TAF1B: variants seen among roughly 807,000 people sequenced by gnomAD.
TAF1B encodes TATA-box binding protein associated factor, RNA polymerase I subunit B.
A neutral mutation model predicts 83.9 loss-of-function variants in TAF1B; 61 were observed. The ratio of observed to expected loss-of-function variants is 0.73; its 90% confidence interval spans 0.59 to 0.90. The LOEUF is 0.90. Among genes scored for constraint, TAF1B ranks in the 40% least tolerant of loss-of-function variants. TAF1B has a pLI of 0.00. For missense variants in TAF1B, 625 were observed against 677.0 expected (o/e 0.92, Z 0.85); for synonymous variants, 221 against 224.6 (o/e 0.98, Z 0.14).
intron 9 of TAF1B, among the ~76,000 whole-genome samples, chr2:9,910,134 T>C (rs115575106): frequency 0.013 from 2,051 of 152,238 alleles, 45 homozygotes; most frequent in African/African-American, 0.046. Flanking sequence ...ATTCTCATTA[T>C]AACCCATTTT....
intron 5 of TAF1B, among the ~76,000 whole-genome samples, chr2:9,858,790 T>G (rs2125139504): frequency 6.6e-6 from 1 of 152,302 alleles, no homozygotes; most frequent in Admixed American, 6.5e-5. Context: ...CAGCTGGAGC[T>G]GGAGTGGCTG....
At chr2:9,852,795 A>G (rs1338231090) in intron 4 of TAF1B, among the ~76,000 whole-genome samples, 1 of 152,184 alleles carries the variant, frequency 6.6e-6, no homozygotes, top group East Asian at 1.9e-4. Context: ...CCTGGCCCTC[A>G]TAAGTGATAT....
chr2:9,890,090 TC>T (rs1664821424), intron 8 of TAF1B, among the ~76,000 whole-genome samples: 1 of 152,194 alleles, frequency 6.6e-6, no homozygotes, highest in African/African-American at 2.4e-5. Context: ...CACCTCAGCT[TC>T]CAGAAACTCC....
intron 14 of TAF1B, among the ~76,000 whole-genome samples, chr2:9,920,585 GC>G (rs1558268468): frequency 8.5e-6 from 1 of 117,928 alleles, no homozygotes; most frequent in Non-Finnish European, 1.7e-5. Flanking sequence ...GGGGCGGGGG[GC>G]GGGGGGTCCA....
At chr2:9,866,925 G>A (rs1048924235) in intron 5 of TAF1B, among the ~76,000 whole-genome samples, 2 of 151,988 alleles carry the variant, frequency 1.3e-5, no homozygotes, top group African/African-American at 4.8e-5. Flanking sequence ...ATCCCATACC[G>A]GGGACTGTTG....
chr2:9,860,001 G>A (rs1394964843), intron 5 of TAF1B, among the ~76,000 whole-genome samples: 1 of 152,250 alleles, frequency 6.6e-6, no homozygotes, highest in Non-Finnish European at 1.5e-5. Flanking sequence ...ATGGTGGAAA[G>A]CAAAGGTGAA....
intron 1 of TAF1B, 29 bp from the exon 2 acceptor site, chr2:9,845,191 A>G (rs1572205930): frequency 6.3e-7 from 1 of 1,575,258 alleles, no homozygotes; most frequent in East Asian, 2.2e-5. Flanking sequence ...GCTTGATGGG[A>G]ACACCTTTTC....
At chr2:9,874,316 A>G (rs1217769158) in intron 6 of TAF1B, among the ~76,000 whole-genome samples, 1 of 152,134 alleles carries the variant, frequency 6.6e-6, no homozygotes, top group Non-Finnish European at 1.5e-5. Context: ...TCTCTGCTCA[A>G]ATATCACCTT....
chr2:9,879,065 T>C (rs182981990), intron 7 of TAF1B, among the ~76,000 whole-genome samples: 10 of 152,302 alleles, frequency 6.6e-5, no homozygotes, highest in South Asian at 4.1e-4. Context: ...ACAGAAGATA[T>C]GTTCCAAGAC....
chr2:9,882,655 G>C (rs1178634319), intron 7 of TAF1B, 51 bp from the exon 8 acceptor site: 1 of 1,238,142 alleles, frequency 8.1e-7, no homozygotes, highest in African/African-American at 1.5e-5. Context: ...CATTTACTCT[G>C]CTATATCAGT....
At position 9,846,170 on chromosome 2, in the gene TAF1B, A is replaced by G. The variant is rs938611988; in HGVS notation, c.117+852A>G. ...TGAGTGAGTTTGCCAAAGTTACCCAAGTACCAGGACTTGAATGTGAGTCTT... is the reference window on the plus strand; with the variant it reads ...TGAGTGAGTTTGCCAAAGTTACCCAGGTACCAGGACTTGAATGTGAGTCTT... On this transcript the variant is annotated intron_variant, in intron 2 of 14. Coordinates refer to ENST00000263663, the MANE Select transcript of TAF1B (RefSeq NM_005680.3). 14 of 466,454 alleles carry G rather than the reference A, an allele frequency of 3.0e-5. No homozygotes were observed. The Middle Eastern group carries it at 2.0e-3, about 65-fold the overall frequency. 28.9% of individuals were successfully genotyped at this position (466,454 alleles called of 1,614,324 possible). A position where few individuals can be genotyped will look rare whatever the true frequency, so the allele number is the denominator to read the frequency against.
chr2:9,915,456 A>C (rs1572281032), intron 12 of TAF1B, among the ~76,000 whole-genome samples: 1 of 152,282 alleles, frequency 6.6e-6, no homozygotes, highest in Non-Finnish European at 1.5e-5. Flanking sequence ...TAAGAAAAAA[A>C]CTCCATTTTT....
intron 5 of TAF1B, among the ~76,000 whole-genome samples, chr2:9,859,107 C>G (rs1663663327): frequency 1.3e-5 from 2 of 152,188 alleles, no homozygotes; most frequent in African/African-American, 4.8e-5. Flanking sequence ...AATAAAAGTT[C>G]CAGTTTCAGA....
At chr2:9,930,477 G>C (rs931708086) in intron 14 of TAF1B, among the ~76,000 whole-genome samples, 3 of 152,338 alleles carry the variant, frequency 2.0e-5, no homozygotes, top group South Asian at 2.1e-4. Flanking sequence ...GTGCGGTTTT[G>C]AGTGAGTTTC....
At chr2:9,899,850 A>T (rs1222102492) in intron 8 of TAF1B, among the ~76,000 whole-genome samples, 1 of 152,236 alleles carries the variant, frequency 6.6e-6, no homozygotes, top group Non-Finnish European at 1.5e-5. Context: ...TGAAGCATGT[A>T]TACAAATTTG....
chr2:9,917,462 C>T (rs1469341506), intron 12 of TAF1B, among the ~76,000 whole-genome samples: 1 of 141,482 alleles, frequency 7.1e-6, no homozygotes, highest in Non-Finnish European at 1.6e-5. Flanking sequence ...GGAAAGTTCA[C>T]AGATATTTCT....
chr2:9,913,089 T>C, intron 11 of TAF1B, 70 bp from the exon 12 acceptor site: 2 of 1,316,454 alleles, frequency 1.5e-6, no homozygotes, highest in Admixed American at 2.2e-5. Flanking sequence ...TAATGAAAAC[T>C]CAGATGAACA....
At chr2:9,874,416 A>G (rs955758251) in intron 6 of TAF1B, among the ~76,000 whole-genome samples, 6 of 151,844 alleles carry the variant, frequency 4.0e-5, no homozygotes, top group South Asian at 2.1e-4. Context: ...CTATTTTTCT[A>G]TGTAGCATCA....
At chr2:9,932,624 G>T (rs1666249908) in intron 14 of TAF1B, among the ~76,000 whole-genome samples, 1 of 152,148 alleles carries the variant, frequency 6.6e-6, no homozygotes, top group South Asian at 2.1e-4. Context: ...GCTGCACGGG[G>T]GTCAGGGACC....
Sources: gnomAD v4.1 joint callset for allele counts (sites outside exome capture counted in the v4.1 genomes callset) on GRCh38, gnomAD v4.1.1 for gene constraint, MANE v1.5 for transcripts, NCBI Gene and HGNC (gene_info 2026-07-23, HGNC 2026-07-21) for gene names.